The following CERT1 variants were observed in gnomAD, a reference collection of about 807,000 sequenced individuals.
The protein encoded by CERT1 is ceramide transfer protein.
Under a neutral mutation model 87.9 loss-of-function variants are expected in CERT1, and 31 were observed. The observed-to-expected ratio is 0.35, with a 90% confidence interval of 0.27 to 0.48. CERT1 has a LOEUF of 0.48. CERT1 is among the 20% of genes least tolerant of loss of function. The pLI is 0.99. For missense variants in CERT1, 487 were observed against 758.0 expected (o/e 0.64, Z 4.20); for synonymous variants, 289 against 250.9 (o/e 1.15, Z -1.44).
At chr5:75,511,664 G>A (rs1768014263), upstream of CERT1, 1 of 1,500,548 alleles carries the variant, frequency 6.7e-7, no homozygotes, top group African/African-American at 1.4e-5. Context: ...CCTCCCCTTC[G>A]TCCTCCCATT....
rs562734983 is a variant in CERT1 at position 75,446,200 on chromosome 5, T to C, written c.348+12865A>G. 2.0e-4 allele frequency among the ~76,000 whole-genome samples: 30 copies of C among 152,342 alleles called. No homozygotes were observed. The South Asian group carries it at 6.0e-3, about 31-fold the overall frequency. Reference sequence around the variant, plus strand: ...AGGCTCTGTTCACTTCAATCTTTTCTTTTTGTTCTTCAAACTAAATCATAT... The same window carrying C: ...AGGCTCTGTTCACTTCAATCTTTTCCTTTTGTTCTTCAAACTAAATCATAT... On this transcript the variant is annotated intron_variant, in intron 3 of 16. Transcript: ENST00000643780.
intron 3 of CERT1, among the ~76,000 whole-genome samples, chr5:75,442,473 T>G (rs1764362977): frequency 6.6e-6 from 1 of 152,164 alleles, no homozygotes; most frequent in African/African-American, 2.4e-5. Flanking sequence ...CACCTGCCAC[T>G]GCCTCCCAAA....
intron 8 of CERT1, 113 bp from the exon 9 acceptor site, chr5:75,403,171 A>T: frequency 1.4e-6 from 1 of 705,826 alleles, no homozygotes; most frequent in South Asian, 1.7e-5. Context: ...TTTATTGAAC[A>T]CATATTTACA....
chr5:75,457,496 A>T (rs1285925042), intron 3 of CERT1, among the ~76,000 whole-genome samples: 2 of 152,082 alleles, frequency 1.3e-5, no homozygotes, highest in Non-Finnish European at 2.9e-5. Flanking sequence ...AAAAACAATA[A>T]TTTTTTTCCA....
chr5:75,416,872 T>C lies in CERT1; in HGVS notation c.837+4A>G, dbSNP rs750783944. ...TTTTTAAAAGGAAAAAAACCTAGTC[T>C]TACCTTATCCAGTCTCTTCTGCCAG... On this transcript the variant is annotated splice_donor_region_variant and intron_variant, in intron 7 of 16. Coordinates refer to ENST00000643780, the MANE Select transcript of CERT1 (RefSeq NM_001379029.1). 1.3e-6 allele frequency: 2 copies of C among 1,593,908 alleles called. No homozygotes were observed. Among genetic ancestry groups the C allele is most frequent in the Non-Finnish European group, 1.7e-6 (2 of 1,173,514 alleles).
chr5:75,473,368 G>C (rs1400652593), intron 2 of CERT1, among the ~76,000 whole-genome samples: 1 of 152,208 alleles, frequency 6.6e-6, no homozygotes, highest in Non-Finnish European at 1.5e-5. Flanking sequence ...TTACAGGCAT[G>C]AGCCACCAAA....
chr5:75,431,202 A>G (rs1185819387), intron 3 of CERT1, among the ~76,000 whole-genome samples: 1 of 152,066 alleles, frequency 6.6e-6, no homozygotes, highest in Non-Finnish European at 1.5e-5. Context: ...TTTTGTCCCT[A>G]GCCCTCCTCC....
In CERT1 at chr5:75,457,909, CGT is replaced by C. The variant is rs34777423; in HGVS notation, c.348+1154_348+1155del. ...TCTTGGGTGTATGGGTATAGGCGCG[CGT>C]GTGTGTGTGTGTGTGGTGTGTGTGT... On this transcript the variant is annotated intron_variant, in intron 3 of 16. Coordinates refer to ENST00000643780, the MANE Select transcript of CERT1 (RefSeq NM_001379029.1). Among the ~76,000 whole-genome samples the C allele has an allele frequency of 4.2e-3, 607 of 144,308 alleles. 3 individuals are homozygous for C. Among genetic ancestry groups the C allele is most frequent in the Middle Eastern group, 7.1e-3 (2 of 280 alleles). The allele number at this position is 144,308 out of a possible 152,430, so 94.7% of individuals were successfully genotyped here.
intron 2 of CERT1, among the ~76,000 whole-genome samples, chr5:75,485,298 T>C (rs1766457677): frequency 1.6e-5 from 1 of 61,202 alleles, no homozygotes; most frequent in Non-Finnish European, 2.8e-5. Flanking sequence ...CAAGACACTG[T>C]CTACACAAAA....
At chr5:75,435,759 T>C (rs1209916644) in intron 3 of CERT1, among the ~76,000 whole-genome samples, 2 of 152,280 alleles carry the variant, frequency 1.3e-5, no homozygotes, top group African/African-American at 4.8e-5. Context: ...GATTACTGTC[T>C]GGCCCCTAGA....
intron 12 of CERT1, among the ~76,000 whole-genome samples, chr5:75,387,067 C>T (rs1000253496): frequency 2.0e-5 from 3 of 152,056 alleles, no homozygotes; most frequent in African/African-American, 7.2e-5. Context: ...CAGGGTTTCA[C>T]CATGTTGGCC....
At chr5:75,459,666 A>T (rs1446231718) in intron 2 of CERT1, among the ~76,000 whole-genome samples, 1 of 151,966 alleles carries the variant, frequency 6.6e-6, no homozygotes, top group South Asian at 2.1e-4. Context: ...AAAATTTTTT[A>T]AAAATGTAGG....
chr5:75,505,850 T>C (rs1359448848), intron 2 of CERT1, 132 bp downstream of exon 2: 3 of 591,452 alleles, frequency 5.1e-6, no homozygotes, highest in Admixed American at 3.5e-5. Flanking sequence ...GAAAAAAGTA[T>C]TAGAATGTAT....
At chr5:75,374,918 A>G (rs180998038), downstream of CERT1, 176 of 338,052 alleles carry the variant, frequency 5.2e-4, 2 homozygotes, top group East Asian at 0.013. Context: ...TAGGGTGAGA[A>G]TTTTGTGTGT....
intron 5 of CERT1, among the ~76,000 whole-genome samples, chr5:75,421,841 C>G (rs979875928): frequency 6.6e-6 from 1 of 152,184 alleles, no homozygotes; most frequent in Admixed American, 6.5e-5. Flanking sequence ...TACCTTCATG[C>G]ATTCTTTTCT....
intron 3 of CERT1, among the ~76,000 whole-genome samples, chr5:75,450,765 T>C (rs965320860): frequency 2.6e-5 from 4 of 152,222 alleles, no homozygotes; most frequent in Admixed American, 2.6e-4. Context: ...CAGAAAATAT[T>C]TGAATCCACC....
chr5:75,451,080 A>C (rs1345299898), intron 3 of CERT1, among the ~76,000 whole-genome samples: 3 of 152,196 alleles, frequency 2.0e-5, no homozygotes, highest in Non-Finnish European at 4.4e-5. Flanking sequence ...TTTATTCCAG[A>C]AGACTATAAA....
At chr5:75,442,545 T>C (rs76466381) in intron 3 of CERT1, among the ~76,000 whole-genome samples, 2,484 of 152,306 alleles carry the variant, frequency 0.016, 74 homozygotes, top group African/African-American at 0.056. Flanking sequence ...TTGGTCAGTG[T>C]TGTGTTTCTA....
chr5:75,496,469 A>C (rs772813616), intron 2 of CERT1, among the ~76,000 whole-genome samples: 42 of 152,202 alleles, frequency 2.8e-4, no homozygotes, highest in Non-Finnish European at 5.3e-4. Context: ...TCCCATTCAT[A>C]GGTATCTACC....
Sources: allele counts gnomAD v4.1 joint callset (sites outside exome capture counted in the v4.1 genomes callset), GRCh38; gene constraint gnomAD v4.1.1; transcripts MANE v1.5; gene names NCBI Gene and HGNC (gene_info 2026-07-23, HGNC 2026-07-21).